TMEM200A: variants seen among roughly 807,000 people sequenced by gnomAD.
TMEM200A encodes the protein transmembrane protein 200A.
TMEM200A carries 12 observed loss-of-function variants against 24.3 expected under a neutral mutation model. The ratio of observed to expected loss-of-function variants is 0.49; its 90% CI spans 0.32 to 0.80. The LOEUF (loss-of-function observed/expected upper bound fraction) is 0.80. Ranked by LOEUF, TMEM200A falls within the 30% of genes least tolerant of loss-of-function variation. The pLI is 0.04. For synonymous variants in TMEM200A, 224 were observed against 224.4 expected (o/e 1.00, Z 0.02); for missense variants, 545 against 614.4 (o/e 0.89, Z 1.19).
At chr6:130,435,621 G>A (rs964009656) in intron 2 of TMEM200A, among the ~76,000 whole-genome samples, 2 of 152,212 alleles carry the variant, frequency 1.3e-5, no homozygotes, top group African/African-American at 4.8e-5. Context: ...CTTGGGTGAA[G>A]CTTTGGAAGT....
At chr6:130,371,855 A>G (rs764210812) in intron 1 of TMEM200A, among the ~76,000 whole-genome samples, 3 of 152,176 alleles carry the variant, frequency 2.0e-5, no homozygotes, top group South Asian at 2.1e-4. Context: ...GTGTAAGTTG[A>G]TAAGAATATG....
chr6:130,416,848 G>GCTAT (rs1195283519), intron 2 of TMEM200A, among the ~76,000 whole-genome samples: 1 of 152,064 alleles, frequency 6.6e-6, no homozygotes, highest in Non-Finnish European at 1.5e-5. Context: ...GTCTTGCCCT[G>GCTAT]CTATCTTTTC....
intron 1 of TMEM200A, among the ~76,000 whole-genome samples, chr6:130,380,765 AT>A (rs1239327725): frequency 6.6e-6 from 1 of 152,186 alleles, no homozygotes; most frequent in Non-Finnish European, 1.5e-5. Flanking sequence ...GATTAACTAC[AT>A]TTATTTTATG....
chr6:130,371,729 T>C (rs759616653), intron 1 of TMEM200A, among the ~76,000 whole-genome samples: 1 of 152,140 alleles, frequency 6.6e-6, no homozygotes, highest in Non-Finnish European at 1.5e-5. Flanking sequence ...GGAAAGGGGA[T>C]GGGAAAATTA....
chr6:130,399,676 A>T (rs541384294), intron 2 of TMEM200A, among the ~76,000 whole-genome samples: 23 of 148,948 alleles, frequency 1.5e-4, no homozygotes, highest in Non-Finnish European at 3.1e-4. Flanking sequence ...AAATTTATTT[A>T]TTATTATTAT....
At chr6:130,426,843 A>G (rs1779756630) in intron 2 of TMEM200A, among the ~76,000 whole-genome samples, 1 of 152,226 alleles carries the variant, frequency 6.6e-6, no homozygotes, top group African/African-American at 2.4e-5. Context: ...ATTCTTGAGT[A>G]TAAACTTCAT....
chr6:130,400,484 G>A (rs1779058589), intron 2 of TMEM200A, among the ~76,000 whole-genome samples: 1 of 149,720 alleles, frequency 6.7e-6, no homozygotes, highest in Admixed American at 6.7e-5. Context: ...AGAATCTCCT[G>A]ACTCTGTCAT....
chr6:130,435,899 T>C (rs1207413419), intron 2 of TMEM200A, among the ~76,000 whole-genome samples: 1 of 152,206 alleles, frequency 6.6e-6, no homozygotes, highest in African/African-American at 2.4e-5. Context: ...TGAAGGGATA[T>C]GGACAGGTGC....
chr6:130,426,957 TAATGTGTCATA>T (rs1424101962), intron 2 of TMEM200A, among the ~76,000 whole-genome samples: 1 of 152,244 alleles, frequency 6.6e-6, no homozygotes, highest in Non-Finnish European at 1.5e-5. Context: ...TTCAAGATTA[TAATGTGTCATA>T]AATAAGTCTT....
intron 2 of TMEM200A, among the ~76,000 whole-genome samples, chr6:130,436,818 C>CT (rs765057812): frequency 1.3e-5 from 2 of 151,500 alleles, no homozygotes; most frequent in Non-Finnish European, 2.9e-5. Context: ...GGCTAACTTG[C>CT]TAAAAAAATG....
intron 2 of TMEM200A, among the ~76,000 whole-genome samples, chr6:130,432,310 C>T (rs935188741): frequency 5.3e-5 from 8 of 152,164 alleles, no homozygotes; most frequent in African/African-American, 1.7e-4. Flanking sequence ...TTTAGGTTTT[C>T]CTACCTTGTT....
chr6:130,386,266 A>G (rs2115099414), intron 2 of TMEM200A, among the ~76,000 whole-genome samples: 1 of 152,216 alleles, frequency 6.6e-6, no homozygotes, highest in Middle Eastern at 3.4e-3. Context: ...GGTATGTGGG[A>G]ATGTTTTCTG....
Position 130,412,385 on chromosome 6 carries a change from G to A in TMEM200A, c.-17+27149G>A, listed in dbSNP as rs115922843. ...CTCACTGTCAGTGCTGATTCCCTGC[G>A]TGGCTGTGCTCTGCATTGCCACTCC... On this transcript the variant is annotated intron_variant, in intron 2 of 2. Coordinates refer to ENST00000296978, the MANE Select transcript of TMEM200A (RefSeq NM_001258277.2). Among the ~76,000 whole-genome samples the A allele has an allele frequency of 7.4e-3, 1,128 of 152,034 alleles. 16 individuals are homozygous for A. Among genetic ancestry groups the A allele is most frequent in the African/African-American group, 0.025 (1,025 of 41,456 alleles).
At chr6:130,424,658 A>G (rs933087576) in intron 2 of TMEM200A, among the ~76,000 whole-genome samples, 4 of 151,996 alleles carry the variant, frequency 2.6e-5, no homozygotes, top group Non-Finnish European at 4.4e-5. Context: ...ATCACCTTTT[A>G]AGCAGTAGAT....
intron 1 of TMEM200A, among the ~76,000 whole-genome samples, chr6:130,380,551 C>T (rs1778572855): frequency 6.6e-6 from 1 of 152,158 alleles, no homozygotes; most frequent in African/African-American, 2.4e-5. Flanking sequence ...CGAGAAAAGA[C>T]AACTTTTATT....
intron 2 of TMEM200A, among the ~76,000 whole-genome samples, chr6:130,405,369 A>C (rs1178038253): frequency 6.6e-6 from 1 of 150,486 alleles, no homozygotes; most frequent in Non-Finnish European, 1.5e-5. Flanking sequence ...GAGATCTTTC[A>C]CCTCCCTAGT....
At chr6:130,424,063 A>G (rs1779667968) in intron 2 of TMEM200A, among the ~76,000 whole-genome samples, 2 of 152,070 alleles carry the variant, frequency 1.3e-5, no homozygotes. Context: ...TTTCTTTAGC[A>G]TATTTTTTCT....
intron 2 of TMEM200A, among the ~76,000 whole-genome samples, chr6:130,432,278 C>T (rs1257196608): frequency 2.0e-5 from 3 of 152,214 alleles, no homozygotes; most frequent in Non-Finnish European, 2.9e-5. Context: ...ACGAAGTTAA[C>T]TAAAAACATC....
intron 1 of TMEM200A, among the ~76,000 whole-genome samples, chr6:130,383,888 C>CG (rs113248360): frequency 5.8e-4 from 88 of 152,048 alleles, no homozygotes; most frequent in African/African-American, 1.9e-3. Context: ...GAGGCTGAGA[C>CG]GGGGGGGATC....
Sources: allele counts gnomAD v4.1 joint callset (sites outside exome capture counted in the v4.1 genomes callset), GRCh38; gene constraint gnomAD v4.1.1; transcripts MANE v1.5; gene names NCBI Gene and HGNC (gene_info 2026-07-23, HGNC 2026-07-21).